The following SLC17A8 variants were observed in gnomAD, a reference collection of about 807,000 sequenced individuals.
SLC17A8 encodes the protein solute carrier family 17 member 8.
In SLC17A8, 31 loss-of-function variants were observed where a neutral mutation model predicts 58.0. That is an observed-to-expected ratio of 0.53 (90% CI 0.40 to 0.72). The LOEUF (loss-of-function observed/expected upper bound fraction) is 0.72, where lower values mean the gene tolerates loss of function less well. Ranked by LOEUF, SLC17A8 falls within the 30% of genes least tolerant of loss-of-function variation. SLC17A8 has a pLI of 0.00. For missense variants in SLC17A8, 655 were observed against 727.8 expected (o/e 0.90, Z 1.15); for synonymous variants, 228 against 249.0 (o/e 0.92, Z 0.79).
rs994258095 is a variant in SLC17A8, at chr12:100,404,038, G to A, written c.1054G>A (p.Val352Met). The change falls in exon 9 of 12, where the codon GTG becomes ATG. Residue 352 changes from valine (V) to methionine (M), a missense_variant and splice_region_variant. Val to Met is a conservative substitution (Grantham distance 21, BLOSUM62 1). Transcript: ENST00000323346. ...TGCTTACTGTTTCTTTCCCTTCCAG[G>A]TGGGTCTCTTGTCAGCAGTCCCACA... ...EEVFGFAISKVGLLSAVPHMV... is the reference protein window; with the variant it reads ...EEVFGFAISKMGLLSAVPHMV... The A allele has an allele frequency of 2.5e-6, 4 of 1,614,078 alleles. No individual in the cohort carries two copies. Among genetic ancestry groups the A allele is most frequent in the Non-Finnish European group, 3.4e-6 (4 of 1,180,016 alleles).
chr12:100,359,955 A>G (rs759920006), intron 1 of SLC17A8, among the ~76,000 whole-genome samples: 1 of 152,224 alleles, frequency 6.6e-6, no homozygotes, highest in Non-Finnish European at 1.5e-5. Context: ...TGTAAATCAC[A>G]GCTGTCTAAT....
At chr12:100,398,064 A>G (rs900876421) in intron 5 of SLC17A8, among the ~76,000 whole-genome samples, 3 of 152,104 alleles carry the variant, frequency 2.0e-5, no homozygotes, top group Non-Finnish European at 1.5e-5. Context: ...CTTCTTTGCT[A>G]AAGGGAGAAA....
chr12:100,396,588 A>G (rs1256653631), intron 5 of SLC17A8, among the ~76,000 whole-genome samples, 171 bp downstream of exon 5: 8 of 151,854 alleles, frequency 5.3e-5, no homozygotes, highest in African/African-American at 1.5e-4. Context: ...GTCTTTAAAA[A>G]AAAAAAAAAA....
chr12:100,411,487 AAAAT>A (rs922834689), intron 9 of SLC17A8, among the ~76,000 whole-genome samples: 1 of 152,090 alleles, frequency 6.6e-6, no homozygotes, highest in Non-Finnish European at 1.5e-5. Flanking sequence ...TCTCAAAGAA[AAAAT>A]AAATAAATAA....
At chr12:100,387,461 C>T (rs1173845333) in intron 2 of SLC17A8, among the ~76,000 whole-genome samples, 2 of 152,144 alleles carry the variant, frequency 1.3e-5, no homozygotes, top group African/African-American at 4.8e-5. Context: ...TCTCAAATGA[C>T]AATGAAAGTC....
At chr12:100,386,227 C>T (rs1369051525) in intron 2 of SLC17A8, among the ~76,000 whole-genome samples, 1 of 152,072 alleles carries the variant, frequency 6.6e-6, no homozygotes, top group Non-Finnish European at 1.5e-5. Flanking sequence ...CAATATCTGA[C>T]ACAGTGTTTG....
At chr12:100,416,301 G>T (rs971791841) in intron 10 of SLC17A8, among the ~76,000 whole-genome samples, 6 of 152,104 alleles carry the variant, frequency 3.9e-5, no homozygotes, top group Admixed American at 6.5e-5. Flanking sequence ...CATATTAATT[G>T]CTTCTTATCT....
At chr12:100,412,584 A>G (rs1215030852) in intron 9 of SLC17A8, among the ~76,000 whole-genome samples, 186 bp from the exon 10 acceptor site, 1 of 150,840 alleles carries the variant, frequency 6.6e-6, no homozygotes, top group Non-Finnish European at 1.5e-5. Context: ...CAGAACTTCA[A>G]GTAAAGTTAA....
chr12:100,420,401 G>T lies in SLC17A8; in HGVS notation c.*242G>T, dbSNP rs960206248. ...ATTGACAGTTGACCCTTCTCTCAAA[G>T]AGCTAAACTTATTCAGAAAGGAATG... On this transcript the variant is annotated 3_prime_UTR_variant, in exon 12 of 12. Transcript: ENST00000323346. The T allele has an allele frequency of 1.5e-5, 7 of 476,640 alleles. No homozygotes were observed. Among genetic ancestry groups the T allele is most frequent in the Admixed American group, 6.8e-5 (2 of 29,416 alleles). 29.5% of individuals were successfully genotyped at this position (476,640 alleles called of 1,614,324 possible). A position where few individuals can be genotyped will look rare whatever the true frequency, so the allele number is the denominator to read the frequency against.
At chr12:100,416,336 T>C (rs949576591) in intron 10 of SLC17A8, among the ~76,000 whole-genome samples, 1 of 152,224 alleles carries the variant, frequency 6.6e-6, no homozygotes, top group Non-Finnish European at 1.5e-5. Flanking sequence ...AATAAAGTGT[T>C]TATCACATTC....
In SLC17A8 at chr12:100,396,157, G is replaced by A. The variant is rs116141253; in HGVS notation, c.589-173G>A. Reference sequence around the variant, plus strand: ...GTCCATCTCCAAATACCATCACATTGGGAATTAGGTTTTAACATAGGAATT... The same window carrying A: ...GTCCATCTCCAAATACCATCACATTAGGAATTAGGTTTTAACATAGGAATT... On this transcript the variant is annotated intron_variant, in intron 4 of 11. Coordinates refer to ENST00000323346, the MANE Select transcript of SLC17A8 (RefSeq NM_139319.3). Among the ~76,000 whole-genome samples, 1,122 of 152,262 alleles carry A rather than the reference G, an allele frequency of 7.4e-3. 12 individuals are homozygous for A. Among genetic ancestry groups the A allele is most frequent in the African/African-American group, 0.025 (1,030 of 41,542 alleles).
chr12:100,382,215 G>T (rs1275126419), intron 2 of SLC17A8, among the ~76,000 whole-genome samples: 2 of 152,306 alleles, frequency 1.3e-5, no homozygotes, highest in Admixed American at 6.5e-5. Context: ...TGCAAGCATG[G>T]AATGATCACA....
intron 10 of SLC17A8, among the ~76,000 whole-genome samples, chr12:100,414,593 G>A (rs944028088): frequency 6.6e-6 from 1 of 152,116 alleles, no homozygotes; most frequent in Admixed American, 6.6e-5. Context: ...ACTTCTTGTG[G>A]GCTGGGCATT....
chr12:100,387,362 G>A (rs921714261), intron 2 of SLC17A8, among the ~76,000 whole-genome samples: 13 of 152,122 alleles, frequency 8.5e-5, no homozygotes, highest in Admixed American at 2.0e-4. Flanking sequence ...GACATTGACC[G>A]CCTCTTCATG....
intron 10 of SLC17A8, among the ~76,000 whole-genome samples, chr12:100,416,214 C>T (rs1000733859): frequency 6.6e-6 from 1 of 152,192 alleles, no homozygotes; most frequent in African/African-American, 2.4e-5. Flanking sequence ...AGCTAGAAAC[C>T]TAAATGGCTT....
intron 10 of SLC17A8, among the ~76,000 whole-genome samples, chr12:100,414,570 T>C (rs1952893052): frequency 6.6e-6 from 1 of 152,232 alleles, no homozygotes; most frequent in Non-Finnish European, 1.5e-5. Flanking sequence ...AGATAATTCA[T>C]GTATTTCCCC....
In SLC17A8 at chr12:100,391,035, G is replaced by C; in HGVS notation, c.389G>C (p.Gly130Ala). Reference sequence around the variant, plus strand: ...TTTAACTGGGATCCAGAAACAGTGGGCCTTATCCATGGATCTTTTTTCTGG... The same window carrying C: ...TTTAACTGGGATCCAGAAACAGTGGCCCTTATCCATGGATCTTTTTTCTGG... ...AQFNWDPETV[G>A]LIHGSFFWGY... Residue 130 changes from glycine to alanine, a missense_variant, in exon 3 of 12, where the codon GGC (glycine) becomes GCC (alanine). Coordinates refer to ENST00000323346, the MANE Select transcript of SLC17A8 (RefSeq NM_139319.3). 1 of 1,613,640 alleles carries C rather than the reference G, an allele frequency of 6.2e-7. No homozygotes were observed. The highest frequency in any genetic ancestry group is 8.5e-7 in the Non-Finnish European group (1 of 1,179,642).
At chr12:100,395,091 T>A (rs1229084414) in intron 4 of SLC17A8, among the ~76,000 whole-genome samples, 2 of 151,900 alleles carry the variant, frequency 1.3e-5, no homozygotes, top group East Asian at 3.9e-4. Flanking sequence ...TTGAAATGAG[T>A]GGATGGACCA....
At position 100,393,478 on chromosome 12, in the gene SLC17A8, G is replaced by C. The variant is rs773251705; in HGVS notation, c.583G>C (p.Val195Leu). The part of the protein sequence containing the change: ...VMCVRILQGL[V>L]EGVTYPACHG... ...GTGTGTCAGAATTCTGCAAGGTTTA[G>C]TGGAGGTAGGAGATACTTTCCTTAC... Residue 195 changes from valine to leucine, a missense_variant, in exon 4 of 12, where the codon GTG (valine) becomes CTG (leucine). Val to Leu is a conservative substitution (Grantham distance 32). Coordinates refer to ENST00000323346, the MANE Select transcript of SLC17A8 (RefSeq NM_139319.3). The C allele has an allele frequency of 7.5e-6, 12 of 1,609,172 alleles. No homozygotes were observed. The highest frequency in any genetic ancestry group is 9.4e-6 in the Non-Finnish European group (11 of 1,175,742).
Sources: gnomAD v4.1 joint callset for allele counts (sites outside exome capture counted in the v4.1 genomes callset) on GRCh38, gnomAD v4.1.1 for gene constraint, MANE v1.5 for transcripts, NCBI Gene and HGNC (gene_info 2026-07-23, HGNC 2026-07-21) for gene names.